OR7C1: variants seen among roughly 807,000 people sequenced by gnomAD.
The protein encoded by OR7C1 is olfactory receptor family 7 subfamily C member 1, also known as olfactory receptor 7C1.
For missense variants in OR7C1, 324 were observed against 383.3 expected (o/e 0.85, Z 1.29); for synonymous variants, 152 against 160.7 (o/e 0.95, Z 0.41).
intron 1 of OR7C1, among the ~76,000 whole-genome samples, chr19:14,817,513 CT>C (rs1223171813): frequency 6.6e-6 from 1 of 152,198 alleles, no homozygotes; most frequent in Non-Finnish European, 1.5e-5. Context: ...AAAATTCAGA[CT>C]TCCATCTGGA....
chr19:14,808,866 A>G (rs933681027), intron 2 of OR7C1, among the ~76,000 whole-genome samples: 1 of 151,994 alleles, frequency 6.6e-6, no homozygotes, highest in African/African-American at 2.4e-5. Flanking sequence ...TCGGGGCCCA[A>G]TTTGGGCTAC....
At chr19:14,817,217 A>C (rs1343494109) in intron 1 of OR7C1, among the ~76,000 whole-genome samples, 2 of 152,162 alleles carry the variant, frequency 1.3e-5, no homozygotes, top group African/African-American at 2.4e-5. Flanking sequence ...TGGGAATGGA[A>C]GTTCAATTGT....
intron 1 of OR7C1, among the ~76,000 whole-genome samples, chr19:14,819,149 A>G (rs188779692): frequency 7.1e-6 from 1 of 141,680 alleles, no homozygotes; most frequent in East Asian, 2.1e-4. Flanking sequence ...AATCAGATCT[A>G]TTTTTTTTAA....
At chr19:14,815,310 T>C (rs939258361) in intron 1 of OR7C1, among the ~76,000 whole-genome samples, 1 of 152,240 alleles carries the variant, frequency 6.6e-6, no homozygotes, top group Non-Finnish European at 1.5e-5. Context: ...TACATTTAAA[T>C]GTTAAAGTCT....
intron 1 of OR7C1, among the ~76,000 whole-genome samples, chr19:14,829,313 C>T (rs1319193798): frequency 6.6e-6 from 1 of 152,256 alleles, no homozygotes; most frequent in Non-Finnish European, 1.5e-5. Flanking sequence ...AAGCGATTCT[C>T]CTGCCTCAGC....
chr19:14,809,464 G>GAT (rs2044680940), intron 2 of OR7C1, among the ~76,000 whole-genome samples: 1 of 151,826 alleles, frequency 6.6e-6, no homozygotes, highest in South Asian at 2.1e-4. Context: ...GCAAGAAACA[G>GAT]ATTGAAAGCA....
chr19:14,829,815 C>T (rs1370191141), intron 1 of OR7C1, among the ~76,000 whole-genome samples: 1 of 152,166 alleles, frequency 6.6e-6, no homozygotes, highest in Non-Finnish European at 1.5e-5. Context: ...GTCCCTCTTG[C>T]TCTGAAACCT....
intron 1 of OR7C1, among the ~76,000 whole-genome samples, chr19:14,828,452 C>T (rs576383780): frequency 1.3e-5 from 2 of 152,250 alleles, no homozygotes; most frequent in African/African-American, 4.8e-5. Context: ...AGACAGCGTA[C>T]ATTCTGCAGT....
chr19:14,832,574 G>A (rs1404013488), intron 1 of OR7C1, among the ~76,000 whole-genome samples: 2 of 151,718 alleles, frequency 1.3e-5, no homozygotes, highest in African/African-American at 2.4e-5. Context: ...TTACAGTCAT[G>A]AGCCACAACA....
chr19:14,815,335 G>T (rs1468602904), intron 1 of OR7C1, among the ~76,000 whole-genome samples: 1 of 152,204 alleles, frequency 6.6e-6, no homozygotes, highest in Non-Finnish European at 1.5e-5. Context: ...TCCAAAGTGG[G>T]CATGGGTTGT....
chr19:14,804,858 T>C (rs1462645373), intron 2 of OR7C1, among the ~76,000 whole-genome samples: 1 of 151,920 alleles, frequency 6.6e-6, no homozygotes, highest in Non-Finnish European at 1.5e-5. Context: ...TTAATTTATG[T>C]TATATTAATT....
At chr19:14,799,791 T>G (rs745507913) in exon 5 of OR7C1, 10 of 1,613,574 alleles carry the variant, frequency 6.2e-6, no homozygotes, top group Non-Finnish European at 8.5e-6. Context: ...GCCATCACGG[T>G]CAAGAGTAAA....
chr19:14,824,551 TG>T (rs2044756228), intron 1 of OR7C1: 1 of 152,196 alleles, frequency 6.6e-6, no homozygotes, highest in Non-Finnish European at 1.5e-5. Context: ...ACAAAGGACA[TG>T]TTTTTTTCTT....
chr19:14,805,839 T>A (rs1217819323), intron 2 of OR7C1, among the ~76,000 whole-genome samples: 1 of 151,988 alleles, frequency 6.6e-6, no homozygotes, highest in African/African-American at 2.4e-5. Flanking sequence ...AGTCACAAAC[T>A]TTGAGAGGGA....
chr19:14,808,160 T>C (rs4808518), intron 2 of OR7C1, among the ~76,000 whole-genome samples: 57,340 of 150,906 alleles, frequency 0.38, 12,269 homozygotes, highest in African/African-American at 0.57. Flanking sequence ...ACTGCTTATG[T>C]GCTGTTGGTG....
At chr19:14,826,832 C>T (rs769024296) in intron 1 of OR7C1, 1 of 153,528 alleles carries the variant, frequency 6.5e-6, no homozygotes, top group African/African-American at 2.4e-5. Flanking sequence ...GCAAAATACA[C>T]AAGTATGTTC....
chr19:14,798,984 C>A, exon 5 of OR7C1: 1 of 590,384 alleles, frequency 1.7e-6, no homozygotes, highest in Non-Finnish European at 2.6e-6. Flanking sequence ...TTGAGGGCTG[C>A]TTTTTGTTAA....
chr19:14,833,646 A>G (rs1225278483), intron 1 of OR7C1, among the ~76,000 whole-genome samples: 1 of 152,226 alleles, frequency 6.6e-6, no homozygotes, highest in African/African-American at 2.4e-5. Context: ...ATTTCCCCAA[A>G]AGTCAACTGA....
chr19:14,810,288 C>T (rs991707100), intron 1 of OR7C1, among the ~76,000 whole-genome samples: 1 of 151,836 alleles, frequency 6.6e-6, no homozygotes, highest in East Asian at 1.9e-4. Flanking sequence ...CCTCATGAAT[C>T]TCCAAGTTTC....
Sources: gnomAD v4.1 joint callset for allele counts (sites outside exome capture counted in the v4.1 genomes callset) on GRCh38, gnomAD v4.1.1 for gene constraint, MANE v1.5 for transcripts, NCBI Gene and HGNC (gene_info 2026-07-23, HGNC 2026-07-21) for gene names.